Variants in SOS1 observed in about 807,000 individuals in gnomAD.
SOS1 encodes the protein SOS Ras/Rac guanine nucleotide exchange factor 1, also known as son of sevenless homolog 1.
SOS1 carries 25 observed loss-of-function variants against 157.6 expected under a neutral mutation model. That is an observed-to-expected ratio of 0.16 (90% CI 0.12 to 0.22). The LOEUF is 0.22. Ranked by LOEUF, SOS1 falls within the 10% of genes least tolerant of loss-of-function variation. The probability of loss-of-function intolerance (pLI) is 1.00; values close to 1 mark genes in which losing one functional copy is unlikely to be tolerated. For synonymous variants in SOS1, 528 were observed against 534.0 expected (o/e 0.99, Z 0.16); for missense variants, 1,237 against 1,599.1 (o/e 0.77, Z 3.86).
chr2:39,008,596 G>A (rs1572817780), intron 15 of SOS1, among the ~76,000 whole-genome samples: 1 of 152,230 alleles, frequency 6.6e-6, no homozygotes, highest in African/African-American at 2.4e-5. Context: ...TAAGACGGCT[G>A]AGAGGAGCCC....
At chr2:39,107,587 C>A (rs1294961413) in intron 1 of SOS1, among the ~76,000 whole-genome samples, 1 of 150,972 alleles carries the variant, frequency 6.6e-6, no homozygotes, top group Non-Finnish European at 1.5e-5. Flanking sequence ...TGCTTAATCC[C>A]ATCTTGGCAT....
intron 8 of SOS1, among the ~76,000 whole-genome samples, chr2:39,033,333 T>C (rs893210556): frequency 9.9e-5 from 15 of 152,020 alleles, no homozygotes; most frequent in Admixed American, 2.6e-4. Flanking sequence ...GAACAAGGGA[T>C]ACACATGCTT....
In SOS1 at chr2:38,984,766, C is replaced by T. The variant is rs1040828745; in HGVS notation, c.*1058G>A. On this transcript the variant is annotated 3_prime_UTR_variant, in exon 23 of 23. Transcript: ENST00000402219. The stretch of plus-strand genomic sequence containing the variant: ...GTATCTTTATTCAATTAAATTAAAA[C>T]AGACCTGCCAGGTATATTATATAAC... 8 of 152,152 alleles carry T rather than the reference C, an allele frequency of 5.3e-5. No individual in the cohort carries two copies. The highest frequency in any genetic ancestry group is 1.9e-4 in the African/African-American group (8 of 41,432). 9.4% of individuals were successfully genotyped at this position (152,152 alleles called of 1,614,324 possible).
rs145087840 is a variant in SOS1, at chr2:39,015,248, A to C, written c.1859-402T>G. 7.9e-4 allele frequency among the ~76,000 whole-genome samples: 120 copies of C among 151,996 alleles called. 1 individual carries two copies. Among genetic ancestry groups the C allele is most frequent in the African/African-American group, 2.7e-3 (113 of 41,472 alleles). On this transcript the variant is annotated intron_variant, in intron 10 of 22. Coordinates refer to ENST00000402219, the MANE Select transcript of SOS1 (RefSeq NM_005633.4). ...ATAACCCATTACTTTTCCTTACATC[A>C]AGATGAGTTTATCTAGGATGACTTA...
At chr2:39,092,197 TTTTTTTC>T (rs1672620848) in intron 1 of SOS1, among the ~76,000 whole-genome samples, 1 of 152,186 alleles carries the variant, frequency 6.6e-6, no homozygotes, top group Non-Finnish European at 1.5e-5. Flanking sequence ...TCATACTGGT[TTTTTTTC>T]TTTTTTCTTT....
chr2:39,035,096 A>C, intron 8 of SOS1, 116 bp downstream of exon 8: 1 of 716,070 alleles, frequency 1.4e-6, no homozygotes, highest in Middle Eastern at 3.7e-4. Context: ...GACTGGAAAA[A>C]GAAAACAGAA....
chr2:39,061,583 T>C (rs1671406782), intron 2 of SOS1, among the ~76,000 whole-genome samples: 1 of 152,094 alleles, frequency 6.6e-6, no homozygotes, highest in Admixed American at 6.6e-5. Context: ...AATGAGATCC[T>C]GCTATGTTGC....
rs1257524131 is a variant in SOS1 at position 39,073,385 on chromosome 2, A to C, written c.88-5632T>G. ...AACATTACATTTTATACTTATGTTT[A>C]CTGACACAGAAAATTTCATATACTT... On this transcript the variant is annotated intron_variant, in intron 1 of 22. Transcript: ENST00000402219. Among the ~76,000 whole-genome samples the C allele has an allele frequency of 2.6e-5, 4 of 152,252 alleles. No homozygotes were observed. The East Asian group carries it at 5.8e-4, about 22-fold the overall frequency.
At chr2:39,096,155 C>T (rs962174022) in intron 1 of SOS1, among the ~76,000 whole-genome samples, 1 of 152,170 alleles carries the variant, frequency 6.6e-6, no homozygotes, top group African/African-American at 2.4e-5. Flanking sequence ...CAGGGGAAAG[C>T]AAGACTTTCT....
chr2:39,020,356 T>C (rs1469274333), intron 10 of SOS1, among the ~76,000 whole-genome samples: 1 of 151,764 alleles, frequency 6.6e-6, no homozygotes, highest in Non-Finnish European at 1.5e-5. Flanking sequence ...ACTATAATAA[T>C]CTAAAAGATG....
At chr2:39,062,074 T>C (rs1295053204) in intron 2 of SOS1, among the ~76,000 whole-genome samples, 2 of 151,928 alleles carry the variant, frequency 1.3e-5, no homozygotes. Context: ...GTAGAAAATA[T>C]GGATAAATTA....
intron 8 of SOS1, among the ~76,000 whole-genome samples, chr2:39,033,819 G>A (rs555645601): frequency 2.0e-5 from 3 of 152,216 alleles, no homozygotes; most frequent in East Asian, 3.9e-4. Context: ...CTACAGGCGT[G>A]TGCCAACACA....
At chr2:39,026,310 G>A (rs545280585) in intron 8 of SOS1, among the ~76,000 whole-genome samples, 11 of 149,858 alleles carry the variant, frequency 7.3e-5, no homozygotes, top group African/African-American at 2.3e-4. Context: ...AGCCGTGATC[G>A]TGCCACTGCA....
chr2:39,033,181 C>T (rs549311799), intron 8 of SOS1, among the ~76,000 whole-genome samples: 2 of 141,166 alleles, frequency 1.4e-5, no homozygotes, highest in East Asian at 2.1e-4. Flanking sequence ...GGTGATTCTC[C>T]TGCCTCAGCT....
At chr2:39,071,042 ATT>A (rs977454541) in intron 1 of SOS1, among the ~76,000 whole-genome samples, 1 of 151,842 alleles carries the variant, frequency 6.6e-6, no homozygotes, top group Non-Finnish European at 1.5e-5. Flanking sequence ...TTTTTTTAGT[ATT>A]TTTAGTAGAG....
chr2:39,013,596 G>A (rs771310254), intron 12 of SOS1, 33 bp from the exon 13 acceptor site: 2 of 1,314,578 alleles, frequency 1.5e-6, no homozygotes, highest in East Asian at 2.3e-5. Flanking sequence ...AATTACATGG[G>A]AATCAAACAT....
chr2:38,987,336 T>A (rs888808445), intron 22 of SOS1, 137 bp downstream of exon 22: 1 of 677,942 alleles, frequency 1.5e-6, no homozygotes, highest in Non-Finnish European at 2.7e-6. Context: ...TAAATCTATA[T>A]GTAATCCTTG....
intron 6 of SOS1, among the ~76,000 whole-genome samples, chr2:39,039,533 T>C (rs1394445050): frequency 6.6e-6 from 1 of 152,238 alleles, no homozygotes; most frequent in African/African-American, 2.4e-5. Flanking sequence ...CTAGTAAGGT[T>C]GAGAATCTAC....
chr2:39,025,475 G>C lies in SOS1; in HGVS notation c.1075-1338C>G, dbSNP rs1299161222. ...AGTAGTTCTCCTGCCTCAGCCTCCC[G>C]AGTAGCTGCGATTACGGGTGTCTGT... is the stretch of plus-strand genomic sequence containing the variant. On this transcript the variant is annotated intron_variant, in intron 8 of 22. Coordinates refer to ENST00000402219, the MANE Select transcript of SOS1 (RefSeq NM_005633.4). Among the ~76,000 whole-genome samples the C allele has an allele frequency of 6.6e-5, 10 of 151,170 alleles. No individual in the cohort carries two copies. The East Asian group carries it at 1.9e-3, about 29-fold the overall frequency.
Sources: allele counts gnomAD v4.1 joint callset (sites outside exome capture counted in the v4.1 genomes callset), GRCh38; gene constraint gnomAD v4.1.1; transcripts MANE v1.5; gene names NCBI Gene and HGNC (gene_info 2026-07-23, HGNC 2026-07-21).